The following LINGO2 variants were observed in gnomAD, a reference collection of about 807,000 sequenced individuals.
LINGO2 encodes the protein leucine-rich repeat and immunoglobulin-like domain-containing nogo receptor-interacting protein 2.
A neutral mutation model predicts 30.6 loss-of-function variants in LINGO2; 14 were observed. The observed-to-expected ratio is 0.46, with a 90% CI of 0.30 to 0.72. LINGO2 has a LOEUF of 0.72. Ranked by LOEUF, LINGO2 falls within the 30% of genes least tolerant of loss-of-function variation. LINGO2 has a pLI of 0.07. For missense variants in LINGO2, 729 were observed against 751.7 expected, an observed-to-expected ratio of 0.97 and a Z score of 0.35; for synonymous variants, 317 against 288.5, an observed-to-expected ratio of 1.10 and a Z score of -1.00.
intron 5 of LINGO2, among the ~76,000 whole-genome samples, chr9:27,971,260 G>A (rs574093493): frequency 6.0e-5 from 9 of 148,964 alleles, no homozygotes; most frequent in Non-Finnish European, 7.4e-5. Context: ...TATTTCTTCT[G>A]TTTTTTTCTT....
chr9:28,740,884 A>G, the LINGO2 span, among the ~76,000 whole-genome samples: 1 of 152,020 alleles, frequency 6.6e-6, no homozygotes, highest in Non-Finnish European at 1.5e-5. Flanking sequence ...TTTTGACCTT[A>G]TTCCTCATAT....
chr9:28,340,321 A>G (rs1478126485), intron 3 of LINGO2, among the ~76,000 whole-genome samples: 2 of 152,140 alleles, frequency 1.3e-5, no homozygotes, highest in African/African-American at 4.8e-5. Context: ...AGCCCTCAAT[A>G]CTGCTAGCTG....
the LINGO2 span, among the ~76,000 whole-genome samples, chr9:28,722,635 AG>A: frequency 6.6e-6 from 1 of 152,170 alleles, no homozygotes; most frequent in Non-Finnish European, 1.5e-5. Context: ...GAATTAAAAC[AG>A]ATTCTGAAAC....
chr9:27,973,279 T>G (rs1363719318), intron 5 of LINGO2, among the ~76,000 whole-genome samples: 1 of 152,174 alleles, frequency 6.6e-6, no homozygotes, highest in African/African-American at 2.4e-5. Context: ...TTCTCCAGTT[T>G]TAGTATACTA....
At chr9:28,510,588 C>T (rs1168069028) in intron 1 of LINGO2, among the ~76,000 whole-genome samples, 1 of 151,882 alleles carries the variant, frequency 6.6e-6, no homozygotes, top group African/African-American at 2.4e-5. Flanking sequence ...TGAAGGAGAA[C>T]AGGCACATTC....
At chr9:29,146,762 G>A in the LINGO2 span, among the ~76,000 whole-genome samples, 30 of 152,146 alleles carry the variant, frequency 2.0e-4, no homozygotes, top group Non-Finnish European at 4.1e-4. Context: ...GACTGTCAAA[G>A]TGGAGTAACT....
At chr9:29,013,861 G>C in the LINGO2 span, among the ~76,000 whole-genome samples, 1 of 152,072 alleles carries the variant, frequency 6.6e-6, no homozygotes, top group Non-Finnish European at 1.5e-5. Flanking sequence ...AGTGTGTAAT[G>C]TGTTATCAAC....
At chr9:28,256,813 A>G (rs530279540) in intron 4 of LINGO2, among the ~76,000 whole-genome samples, 4 of 152,064 alleles carry the variant, frequency 2.6e-5, no homozygotes, top group African/African-American at 7.2e-5. Flanking sequence ...CATACAAAGA[A>G]GTATAAAAAT....
At chr9:29,108,454 A>G in the LINGO2 span, among the ~76,000 whole-genome samples, 1 of 152,170 alleles carries the variant, frequency 6.6e-6, no homozygotes, top group African/African-American at 2.4e-5. Flanking sequence ...ACTTGCCTCC[A>G]AATACTATCA....
intron 1 of LINGO2, among the ~76,000 whole-genome samples, chr9:28,554,299 G>T (rs1822508868): frequency 6.6e-6 from 1 of 150,550 alleles, no homozygotes; most frequent in South Asian, 2.1e-4. Context: ...AAAGGATGGA[G>T]GAAGATCTAC....
chr9:28,257,960 T>C (rs1424228231), intron 4 of LINGO2, among the ~76,000 whole-genome samples: 7 of 151,924 alleles, frequency 4.6e-5, no homozygotes, highest in African/African-American at 7.2e-5. Context: ...TGTTGTTGAT[T>C]AACGCATAAA....
At chr9:28,249,366 C>G (rs1219290722) in intron 4 of LINGO2, among the ~76,000 whole-genome samples, 6 of 151,998 alleles carry the variant, frequency 3.9e-5, no homozygotes, top group Non-Finnish European at 8.8e-5. Context: ...GAGTTTGGAT[C>G]AGCATATTAA....
the LINGO2 span, among the ~76,000 whole-genome samples, chr9:28,988,943 T>C: frequency 1.3e-5 from 2 of 152,226 alleles, no homozygotes; most frequent in African/African-American, 4.8e-5. Context: ...TAGTTTCTCA[T>C]TGAATTTTCT....
At chr9:29,103,033 G>T in the LINGO2 span, among the ~76,000 whole-genome samples, 1 of 152,018 alleles carries the variant, frequency 6.6e-6, no homozygotes, top group African/African-American at 2.4e-5. Flanking sequence ...AACAGTACTT[G>T]AAGAAACAAA....
chr9:29,072,175 G>T, the LINGO2 span, among the ~76,000 whole-genome samples: 1 of 151,914 alleles, frequency 6.6e-6, no homozygotes, highest in African/African-American at 2.4e-5. Flanking sequence ...TATATATATT[G>T]AATGAGGGCT....
intron 5 of LINGO2, among the ~76,000 whole-genome samples, chr9:27,975,228 T>C (rs957142532): frequency 6.6e-6 from 1 of 152,144 alleles, no homozygotes; most frequent in African/African-American, 2.4e-5. Flanking sequence ...AGTTAAGAAC[T>C]CAATACTGTG....
chr9:28,124,857 T>C (rs1282519390), intron 4 of LINGO2, among the ~76,000 whole-genome samples: 1 of 152,044 alleles, frequency 6.6e-6, no homozygotes, highest in African/African-American at 2.4e-5. Context: ...ATCAAGTAAA[T>C]CTCTAGCGAA....
chr9:28,041,493 C>T (rs546441822), intron 4 of LINGO2, among the ~76,000 whole-genome samples: 38 of 152,132 alleles, frequency 2.5e-4, no homozygotes, highest in Non-Finnish European at 3.4e-4. Flanking sequence ...GGTATGTGTG[C>T]GTGTGTAGTT....
chr9:28,520,031 A>G (rs1820771875), intron 1 of LINGO2, among the ~76,000 whole-genome samples: 1 of 152,216 alleles, frequency 6.6e-6, no homozygotes, highest in Non-Finnish European at 1.5e-5. Flanking sequence ...AAACCATAAC[A>G]TATCAATTTG....
Sources: gnomAD v4.1 joint callset for allele counts (sites outside exome capture counted in the v4.1 genomes callset) on GRCh38, gnomAD v4.1.1 for gene constraint, MANE v1.5 for transcripts, NCBI Gene and HGNC (gene_info 2026-07-23, HGNC 2026-07-21) for gene names.